Variants in CAMSAP1 observed in about 807,000 individuals in gnomAD.
CAMSAP1 encodes calmodulin regulated spectrin associated protein 1, also known as calmodulin-regulated spectrin-associated protein 1.
In CAMSAP1, 58 loss-of-function variants were observed where a neutral mutation model predicts 143.5. The ratio of observed to expected loss-of-function variants is 0.40; its 90% confidence interval spans 0.33 to 0.50. The LOEUF is 0.50. CAMSAP1 is among the 20% of genes least tolerant of loss of function. The pLI, the probability that CAMSAP1 is intolerant of heterozygous loss-of-function variation, is 0.45. For synonymous variants in CAMSAP1, 945 were observed against 859.3 expected (o/e 1.10, Z -1.74); for missense variants, 1,969 against 2,115.7 (o/e 0.93, Z 1.36).
intron 1 of CAMSAP1, among the ~76,000 whole-genome samples, chr9:135,896,743 T>C (rs770471091): frequency 2.2e-4 from 34 of 152,202 alleles, no homozygotes; most frequent in Admixed American, 9.2e-4. Context: ...TTTGAAATCA[T>C]TGAGGAGTGC....
rs757550050 is a variant in CAMSAP1 at position 135,821,386 on chromosome 9, C to CG, written c.3274dup (p.Arg1092ProfsTer30). ...ACGGGAATTCCGGCCTTGACCCAGC[C>CG]GGGGGGCTTTGCGGTGGCCAGCCAC... On this transcript the variant is annotated frameshift_variant, in exon 11 of 17. Coordinates refer to ENST00000389532, the MANE Select transcript of CAMSAP1 (RefSeq NM_015447.4). LOFTEE classifies it high-confidence loss of function. The surrounding 1 kb of genome is among the most constrained non-coding windows in gnomAD (Gnocchi z 4.6). 6.2e-7 allele frequency: 1 copy of CG among 1,613,740 alleles called. No homozygotes were observed. Among genetic ancestry groups the CG allele is most frequent in the East Asian group, 2.2e-5 (1 of 44,862 alleles).
Position 135,822,603 on chromosome 9 carries a change from G to C in CAMSAP1, c.2058C>G (p.Gly686=). Residue 686 remains glycine, a synonymous_variant, in exon 11 of 17, where the codon GGC becomes GGG. Transcript: ENST00000389532. The surrounding 1 kb of genome is among the most constrained non-coding windows in gnomAD (Gnocchi z 6.1). ...GTCCCTGGGGGAACGGATCGAATCC[G>C]CCAAGGGCCAGAGGCCCACCACAGA... is the stretch of plus-strand genomic sequence containing the variant. ...GEVCGGPLAL[G]GFDPFPQGPS... 3 of 1,613,166 alleles carry C rather than the reference G, an allele frequency of 1.9e-6. No homozygotes were observed. The highest frequency in any genetic ancestry group is 2.5e-6 in the Non-Finnish European group (3 of 1,179,648).
In CAMSAP1 at chr9:135,889,911, CCT is replaced by C. The variant is rs139522680; in HGVS notation, c.161-6835_161-6834del. ...TAAGCTCCCACCCGTAGCTCGCTCC[CCT>C]GAGCTCACGAAGAAATCTCGAGGCC... On this transcript the variant is annotated intron_variant, in intron 1 of 16. Coordinates refer to ENST00000389532, the MANE Select transcript of CAMSAP1 (RefSeq NM_015447.4). 5.7e-3 allele frequency among the ~76,000 whole-genome samples: 861 copies of C among 152,332 alleles called. 4 individuals are homozygous for C. The highest frequency in any genetic ancestry group is 0.02 in the Middle Eastern group (6 of 294).
intron 7 of CAMSAP1, among the ~76,000 whole-genome samples, chr9:135,829,274 G>C (rs542245909): frequency 6.6e-6 from 1 of 152,028 alleles, no homozygotes; most frequent in South Asian, 2.1e-4. Context: ...GGCTGAGGTG[G>C]GAAGACCACT....
chr9:135,854,162 G>A (rs1435465378), intron 5 of CAMSAP1, among the ~76,000 whole-genome samples: 1 of 152,204 alleles, frequency 6.6e-6, no homozygotes, highest in African/African-American at 2.4e-5. Context: ...CCAGGAAGAA[G>A]TTGGTCCCTG....
intron 15 of CAMSAP1, 70 bp downstream of exon 15, chr9:135,815,820 T>A: frequency 8.2e-7 from 1 of 1,224,472 alleles, no homozygotes; most frequent in South Asian, 1.3e-5. Flanking sequence ...AGAGAACAGA[T>A]ATTGAAAGAG....
chr9:135,817,961 G>C lies in CAMSAP1; in HGVS notation c.4271+16C>G. ...GTCCTCCAGCCCCGTGCCGGCGGCC[G>C]TCTCAGGCCCCTTACCGCTGAGAGG... On this transcript the variant is annotated intron_variant, in intron 14 of 16. Transcript: ENST00000389532. The C allele has an allele frequency of 6.2e-7, 1 of 1,612,004 alleles. No individual in the cohort carries two copies. The highest frequency in any genetic ancestry group is 8.5e-7 in the Non-Finnish European group (1 of 1,178,456).
In CAMSAP1 at chr9:135,823,273, G is replaced by C. The variant is rs747969198; in HGVS notation, c.1401-13C>G. 6.5e-7 allele frequency: 1 copy of C among 1,537,138 alleles called. No individual in the cohort carries two copies. The highest frequency in any genetic ancestry group is 8.8e-7 in the Non-Finnish European group (1 of 1,142,842). On this transcript the variant is annotated splice_polypyrimidine_tract_variant and intron_variant, in intron 10 of 16. Coordinates refer to ENST00000389532, the MANE Select transcript of CAMSAP1 (RefSeq NM_015447.4). Reference sequence around the variant, plus strand: ...CTGGGACGCAGGCCTGAAACACAGGGAAGGCCCACTGGGTGCGCTGCGGTA... The same window carrying C: ...CTGGGACGCAGGCCTGAAACACAGGCAAGGCCCACTGGGTGCGCTGCGGTA...
chr9:135,902,831 T>C (rs1838656993), intron 1 of CAMSAP1, among the ~76,000 whole-genome samples: 1 of 152,200 alleles, frequency 6.6e-6, no homozygotes, highest in Non-Finnish European at 1.5e-5. Context: ...ATGTGGCTTC[T>C]GCACAGGGCC....
Position 135,862,493 on chromosome 9 carries a change from T to TA in CAMSAP1, c.781dup (p.Tyr261LeufsTer10). 1 of 1,551,588 alleles carries TA rather than the reference T, an allele frequency of 6.4e-7. No homozygotes were observed. The highest frequency in any genetic ancestry group is 8.7e-7 in the Non-Finnish European group (1 of 1,146,994). Reference sequence around the variant, plus strand: ...ATCCAGTTTCATCTGCTCTGGGCAATAATAGTGAATCACAGCTAAGAGAGC... The same window carrying TA: ...ATCCAGTTTCATCTGCTCTGGGCAATAAATAGTGAATCACAGCTAAGAGAGC... On this transcript the variant is annotated frameshift_variant, in exon 5 of 17. Coordinates refer to ENST00000389532, the MANE Select transcript of CAMSAP1 (RefSeq NM_015447.4). LOFTEE classifies it high-confidence loss of function.
chr9:135,881,723 C>G lies in CAMSAP1; in HGVS notation c.495G>C (p.Val165=). 6.4e-7 allele frequency: 1 copy of G among 1,551,858 alleles called. No homozygotes were observed. The highest frequency in any genetic ancestry group is 8.7e-7 in the Non-Finnish European group (1 of 1,147,016). Reference sequence around the variant, plus strand: ...TTGAGAAGCGCTTGACACTGGCCACCACCTTCTCGATGCTGATCATCTCCA... The same window carrying G: ...TTGAGAAGCGCTTGACACTGGCCACGACCTTCTCGATGCTGATCATCTCCA... ...YTVEMISIEK[V]VASVKRFSTF... Residue 165 remains valine (V), a synonymous_variant, in exon 3 of 17, where the codon GTG becomes GTC. Coordinates refer to ENST00000389532, the MANE Select transcript of CAMSAP1 (RefSeq NM_015447.4).
At chr9:135,862,332 G>T (rs547473595) in intron 5 of CAMSAP1, 135 bp downstream of exon 5, 210 of 1,056,930 alleles carry the variant, frequency 2.0e-4, no homozygotes, top group Non-Finnish European at 4.7e-5. Context: ...TCATCTATAG[G>T]CTAACATCCC....
chr9:135,880,733 C>T (rs11793168), intron 3 of CAMSAP1, among the ~76,000 whole-genome samples: 29,562 of 152,166 alleles, frequency 0.19, 3,349 homozygotes, highest in Non-Finnish European at 0.25. Flanking sequence ...CGCGCTAATA[C>T]AGCCTCACAT....
Position 135,818,741 on chromosome 9 carries a change from G to A in CAMSAP1, c.3960-125C>T, listed in dbSNP as rs1020794239. On this transcript the variant is annotated intron_variant, in intron 12 of 16. Transcript: ENST00000389532. This position sits in a 1 kb window ranked among gnomAD's most constrained non-coding sequence, Gnocchi z 7.7. Reference sequence around the variant, plus strand: ...CGGCCGCTGGGACCAAGAGTGGCCAGCCTCCACAAGCGGGACACAGAGGCT... The same window carrying A: ...CGGCCGCTGGGACCAAGAGTGGCCAACCTCCACAAGCGGGACACAGAGGCT... 4 of 1,227,884 alleles carry A rather than the reference G, an allele frequency of 3.3e-6. No homozygotes were observed. Among genetic ancestry groups the A allele is most frequent in the Non-Finnish European group, 4.5e-6 (4 of 898,046 alleles). 76.1% of individuals were successfully genotyped at this position (1,227,884 alleles called of 1,614,324 possible). A position where few individuals can be genotyped will look rare whatever the true frequency, so the allele number is the denominator to read the frequency against.
In CAMSAP1 at chr9:135,885,350, C is replaced by G. The variant is rs7026749; in HGVS notation, c.161-2272G>C. On this transcript the variant is annotated intron_variant, in intron 1 of 16. Transcript: ENST00000389532. The stretch of plus-strand genomic sequence containing the variant: ...ATGTCTGGGGGCACCTCGAGCCTAA[C>G]CGGCCTGGTCCAAGCCACCCTCTCC... Among the ~76,000 whole-genome samples, 618 of 152,302 alleles carry G rather than the reference C, an allele frequency of 4.1e-3. 5 individuals are homozygous for G. The highest frequency in any genetic ancestry group is 0.014 in the African/African-American group (574 of 41,568).
Position 135,881,614 on chromosome 9 carries a change from A to G in CAMSAP1, c.585+19T>C, listed in dbSNP as rs1332041983. ...CCACAGAAGCAGAGTCACACACCAC[A>G]TCTAGGCAGGGCACTCACCTTGTTG... On this transcript the variant is annotated intron_variant, in intron 3 of 16. Coordinates refer to ENST00000389532, the MANE Select transcript of CAMSAP1 (RefSeq NM_015447.4). The G allele has an allele frequency of 1.4e-5, 21 of 1,551,420 alleles. No homozygotes were observed. The highest frequency in any genetic ancestry group is 1.6e-5 in the Non-Finnish European group (18 of 1,146,924).
At chr9:135,864,166 C>A (rs547207883) in intron 4 of CAMSAP1, among the ~76,000 whole-genome samples, 17 of 152,192 alleles carry the variant, frequency 1.1e-4, no homozygotes, top group East Asian at 5.8e-4. Context: ...AAGGGACCCA[C>A]CACCCTTGGT....
intron 7 of CAMSAP1, among the ~76,000 whole-genome samples, chr9:135,842,431 T>G (rs548932889): frequency 6.6e-6 from 1 of 152,256 alleles, no homozygotes; most frequent in Non-Finnish European, 1.5e-5. Context: ...AACTTCAGGA[T>G]ATTATCCAGG....
At chr9:135,881,565 G>T in intron 3 of CAMSAP1, 68 bp downstream of exon 3, 1 of 1,512,876 alleles carries the variant, frequency 6.6e-7, no homozygotes, top group Non-Finnish European at 9.0e-7. Context: ...AAGGTGTGCT[G>T]CTCTCAAGTG....
Sources: gnomAD v4.1 joint callset for allele counts (sites outside exome capture counted in the v4.1 genomes callset) on GRCh38, gnomAD v4.1.1 for gene constraint, Gnocchi (gnomAD v3.1) non-coding constraint, MANE v1.5 for transcripts, NCBI Gene and HGNC (gene_info 2026-07-23, HGNC 2026-07-21) for gene names.